The following COX7B2 variants were observed in gnomAD, a reference collection of about 807,000 sequenced individuals.
COX7B2 encodes the protein cytochrome c oxidase subunit 7B2, mitochondrial.
For missense variants in COX7B2, 109 were observed against 95.9 expected (o/e 1.14, Z -0.57); for synonymous variants, 37 against 32.1 (o/e 1.15, Z -0.51).
At chr4:46,740,354 G>A (rs1031060695) in intron 2 of COX7B2, among the ~76,000 whole-genome samples, 6 of 152,032 alleles carry the variant, frequency 3.9e-5, no homozygotes, top group African/African-American at 7.2e-5. Context: ...ATCTTTATTT[G>A]TTGTATAGTT....
At position 46,858,080 on chromosome 4, in the gene COX7B2, GA is replaced by G. The variant is rs543766601; in HGVS notation, c.-104-13067del. 5.3e-3 allele frequency among the ~76,000 whole-genome samples: 806 copies of G among 151,996 alleles called. 6 individuals are homozygous for G. Among genetic ancestry groups the G allele is most frequent in the Admixed American group, 8.2e-3 (125 of 15,252 alleles). On this transcript the variant is annotated intron_variant, in intron 1 of 2. Coordinates refer to ENST00000355591, the MANE Select transcript of COX7B2 (RefSeq NM_130902.3). ...ATCCCATTCCACCCCAATATATACTGAAAAAAAGTAAACAATTATTGTAGCA... is the reference window on the plus strand; with the variant it reads ...ATCCCATTCCACCCCAATATATACTGAAAAAAGTAAACAATTATTGTAGCA...
chr4:46,778,537 T>C (rs779167208), intron 2 of COX7B2, among the ~76,000 whole-genome samples: 2 of 152,098 alleles, frequency 1.3e-5, no homozygotes, highest in Non-Finnish European at 2.9e-5. Context: ...ATAAACACCG[T>C]ATATCAAATT....
chr4:46,829,039 C>T (rs1049857581), intron 2 of COX7B2, among the ~76,000 whole-genome samples: 2 of 152,078 alleles, frequency 1.3e-5, no homozygotes, highest in African/African-American at 4.8e-5. Context: ...ACTATGAAGA[C>T]AACAGCAGTA....
intron 2 of COX7B2, among the ~76,000 whole-genome samples, chr4:46,825,336 G>A (rs1301980548): frequency 6.6e-6 from 1 of 151,744 alleles, no homozygotes. Flanking sequence ...GTAGGTGAAA[G>A]ACCTCTACAA....
chr4:46,808,896 C>T (rs1047228577), intron 2 of COX7B2, among the ~76,000 whole-genome samples: 15 of 151,686 alleles, frequency 9.9e-5, no homozygotes, highest in East Asian at 3.9e-4. Flanking sequence ...CATTCTGTCA[C>T]GATCTTTTTG....
intron 2 of COX7B2, among the ~76,000 whole-genome samples, chr4:46,844,529 T>C (rs1716138629): frequency 6.6e-6 from 1 of 151,950 alleles, no homozygotes; most frequent in African/African-American, 2.4e-5. Flanking sequence ...CTCTTAACAC[T>C]GAAATGATGG....
At chr4:46,799,993 G>A (rs1007649295) in intron 2 of COX7B2, among the ~76,000 whole-genome samples, 3 of 151,824 alleles carry the variant, frequency 2.0e-5, no homozygotes, top group Middle Eastern at 3.2e-3. Context: ...TTTTTTGGCT[G>A]GTAAGTTTTT....
intron 1 of COX7B2, among the ~76,000 whole-genome samples, chr4:46,887,146 T>C (rs1158026294): frequency 6.6e-6 from 1 of 152,224 alleles, no homozygotes; most frequent in Non-Finnish European, 1.5e-5. Flanking sequence ...TCCTTCCTAA[T>C]CTTCCCATCT....
chr4:46,884,063 C>A (rs1355626110), intron 1 of COX7B2, among the ~76,000 whole-genome samples: 1 of 151,716 alleles, frequency 6.6e-6, no homozygotes, highest in Non-Finnish European at 1.5e-5. Flanking sequence ...TCAATTATTT[C>A]TAAGTATTGC....
intron 1 of COX7B2, among the ~76,000 whole-genome samples, chr4:46,891,584 G>A (rs1012095656): frequency 4.6e-5 from 7 of 152,132 alleles, no homozygotes; most frequent in Non-Finnish European, 8.8e-5. Flanking sequence ...CAGAGCCCTG[G>A]TGGAAACACA....
chr4:46,780,675 C>T (rs1717400164), intron 2 of COX7B2, among the ~76,000 whole-genome samples: 1 of 152,116 alleles, frequency 6.6e-6, no homozygotes, highest in Non-Finnish European at 1.5e-5. Flanking sequence ...AACATAAATA[C>T]AACACTAATT....
intron 2 of COX7B2, among the ~76,000 whole-genome samples, chr4:46,822,563 G>T (rs1377207510): frequency 6.6e-6 from 1 of 151,938 alleles, no homozygotes; most frequent in East Asian, 1.9e-4. Context: ...AGAAAAACTG[G>T]CAAAGAAACA....
intron 1 of COX7B2, among the ~76,000 whole-genome samples, chr4:46,881,344 G>A (rs558827959): frequency 1.3e-5 from 2 of 152,286 alleles, no homozygotes; most frequent in African/African-American, 4.8e-5. Context: ...ACCAGGGAGG[G>A]AGCTTCCAGG....
chr4:46,808,417 GT>G (rs771079977), intron 2 of COX7B2, among the ~76,000 whole-genome samples: 3 of 151,594 alleles, frequency 2.0e-5, no homozygotes, highest in South Asian at 2.1e-4. Context: ...AGTTCTATGA[GT>G]TTTTTTGTGG....
chr4:46,815,216 C>T (rs1458836773), intron 2 of COX7B2, among the ~76,000 whole-genome samples: 1 of 151,604 alleles, frequency 6.6e-6, no homozygotes, highest in South Asian at 2.1e-4. Flanking sequence ...ACTTGAGAAG[C>T]ATGAAAGTAC....
intron 1 of COX7B2, among the ~76,000 whole-genome samples, chr4:46,861,014 C>T (rs1024678089): frequency 8.5e-5 from 13 of 152,150 alleles, no homozygotes; most frequent in African/African-American, 3.1e-4. Context: ...TGTTGGCTAC[C>T]CTCAGATGCT....
At chr4:46,804,842 T>C (rs528752289) in intron 2 of COX7B2, among the ~76,000 whole-genome samples, 1,906 of 152,288 alleles carry the variant, frequency 0.013, 32 homozygotes, top group African/African-American at 0.044. Context: ...CTCCTCAGCC[T>C]TTGGGTGGTT....
At chr4:46,876,138 T>G (rs1718314393) in intron 1 of COX7B2, among the ~76,000 whole-genome samples, 1 of 152,144 alleles carries the variant, frequency 6.6e-6, no homozygotes, top group Non-Finnish European at 1.5e-5. Context: ...AAACTCAACA[T>G]GATATGCTTT....
intron 2 of COX7B2, among the ~76,000 whole-genome samples, chr4:46,785,278 A>G (rs1427156497): frequency 6.6e-6 from 1 of 152,192 alleles, no homozygotes; most frequent in Admixed American, 6.5e-5. Context: ...ACAACTACCA[A>G]ATATTTAAAA....
Sources: gnomAD v4.1 joint callset for allele counts (sites outside exome capture counted in the v4.1 genomes callset) on GRCh38, gnomAD v4.1.1 for gene constraint, MANE v1.5 for transcripts, NCBI Gene and HGNC (gene_info 2026-07-23, HGNC 2026-07-21) for gene names.